The following PC variants were observed in gnomAD, a reference collection of about 807,000 sequenced individuals.
The protein encoded by PC is pyruvate carboxylase.
In PC, 46 loss-of-function variants were observed where a neutral mutation model predicts 107.8. That is an observed-to-expected ratio of 0.43 (90% CI 0.34 to 0.55). The LOEUF (loss-of-function observed/expected upper bound fraction) is 0.55. PC is among the 20% of genes least tolerant of loss of function. The probability of loss-of-function intolerance (pLI) is 0.04; values close to 1 mark genes in which losing one functional copy is unlikely to be tolerated. For missense variants in PC, 1,241 were observed against 1,643.1 expected, an observed-to-expected ratio of 0.76 and a Z score of 4.23; for synonymous variants, 662 against 684.7, an observed-to-expected ratio of 0.97 and a Z score of 0.52.
intron 3 of PC, among the ~76,000 whole-genome samples, chr11:66,897,248 T>C (rs1193897605): frequency 2.0e-5 from 3 of 152,132 alleles, no homozygotes; most frequent in Admixed American, 6.5e-5. Flanking sequence ...CCCTTTTGAA[T>C]TGGCACCATG....
intron 1 of PC, among the ~76,000 whole-genome samples, chr11:66,957,106 A>G (rs1197352225): frequency 6.6e-6 from 1 of 152,254 alleles, no homozygotes; most frequent in Non-Finnish European, 1.5e-5. Context: ...CACCCCCAGC[A>G]CAAGTGTTTG....
chr11:66,955,283 A>G (rs1949532940), intron 1 of PC, among the ~76,000 whole-genome samples: 1 of 152,192 alleles, frequency 6.6e-6, no homozygotes, highest in African/African-American at 2.4e-5. Context: ...CTGCCCTGCC[A>G]CTGGTCCCAG....
chr11:66,863,788 C>A lies in PC; in HGVS notation c.1354G>T (p.Val452Phe). 1.9e-6 allele frequency: 3 copies of A among 1,611,272 alleles called. No homozygotes were observed. Among genetic ancestry groups the A allele is most frequent in the African/African-American group, 1.3e-5 (1 of 74,918 alleles). ...KMSRALAEFR[V>F]RGVKTNIAFL... ...CAGCCTCTCACCTTCACACCTCGGA[C>A]GCGGAACTCCGCAAGGGCCCTGCTC... The change falls in exon 12 of 23, where the codon GTC becomes TTC. Residue 452 changes from valine to phenylalanine, a missense_variant. By Grantham distance (50) the Val-to-Phe change is conservative. This residue lies in a region of PC where 1,143 missense variants were observed against 1,551.9 expected (regional missense o/e 0.74). Transcript: ENST00000393960.
At position 66,863,967 on chromosome 11, in the gene PC, G is replaced by A; in HGVS notation, c.1186-11C>T. Reference sequence around the variant, plus strand: ...TCCGCTCCGGAACACCTGTGGGAAGGGTGAGGCGTGAGGACCTGCGCCAGA... The same window carrying A: ...TCCGCTCCGGAACACCTGTGGGAAGAGTGAGGCGTGAGGACCTGCGCCAGA... On this transcript the variant is annotated splice_polypyrimidine_tract_variant and intron_variant, in intron 11 of 22. Transcript: ENST00000393960. 2 of 1,613,562 alleles carry A rather than the reference G, an allele frequency of 1.2e-6. No homozygotes were observed. Among genetic ancestry groups the A allele is most frequent in the Non-Finnish European group, 1.7e-6 (2 of 1,179,982 alleles).
chr11:66,922,476 A>C (rs754712355), intron 3 of PC, among the ~76,000 whole-genome samples: 4 of 151,122 alleles, frequency 2.6e-5, no homozygotes, highest in Non-Finnish European at 4.4e-5. Flanking sequence ...TGGAAGGCTG[A>C]AGCAGGAGAA....
chr11:66,865,517 C>T (rs1946455051), intron 11 of PC, among the ~76,000 whole-genome samples: 5 of 152,176 alleles, frequency 3.3e-5, no homozygotes, highest in Admixed American at 1.3e-4. Context: ...GTTTCGGAGG[C>T]CAATGACTGG....
intron 3 of PC, among the ~76,000 whole-genome samples, chr11:66,926,233 T>C (rs753996378): frequency 6.6e-6 from 1 of 152,226 alleles, no homozygotes; most frequent in East Asian, 1.9e-4. Flanking sequence ...AAATATAAAA[T>C]GTACAGCTCT....
At chr11:66,887,707 CG>C (rs1389182003) in intron 3 of PC, among the ~76,000 whole-genome samples, 1 of 152,164 alleles carries the variant, frequency 6.6e-6, no homozygotes, top group Non-Finnish European at 1.5e-5. Flanking sequence ...GAAAGTCTCC[CG>C]GGACTGAAGG....
At chr11:66,850,548 C>A in intron 18 of PC, 84 bp from the exon 19 acceptor site, 1 of 1,608,122 alleles carries the variant, frequency 6.2e-7, no homozygotes. Flanking sequence ...CCATGTCTGA[C>A]TCAGGTGACA....
chr11:66,928,518 AATT>A (rs200179069), intron 3 of PC, among the ~76,000 whole-genome samples: 394 of 151,316 alleles, frequency 2.6e-3, no homozygotes, highest in Middle Eastern at 0.014. Context: ...TGTGAGCATT[AATT>A]ATTATTATTA....
In PC at chr11:66,870,354, T is replaced by A; in HGVS notation, c.851A>T (p.Asp284Val). ...VVEIAPAAHL[D>V]PQLRTRLTSD... Reference sequence around the variant, plus strand: ...GGTGAGCCGAGTCCGAAGCTGCGGGTCCAGGTGGGCGGCGGGGGCAATCTC... The same window carrying A: ...GGTGAGCCGAGTCCGAAGCTGCGGGACCAGGTGGGCGGCGGGGGCAATCTC... The change falls in exon 9 of 23, where the codon GAC (aspartate) becomes GTC (valine). Residue 284 changes from aspartate to valine, a missense_variant. Physicochemically the swap from Asp to Val is radical, Grantham distance 152. Coordinates refer to ENST00000393960, the MANE Select transcript of PC (RefSeq NM_001040716.2). This position sits in a 1 kb window ranked among gnomAD's most constrained non-coding sequence, Gnocchi z 6.1. 1 of 1,613,516 alleles carries A rather than the reference T, an allele frequency of 6.2e-7. No homozygotes were observed. The highest frequency in any genetic ancestry group is 8.5e-7 in the Non-Finnish European group (1 of 1,179,982).
intron 3 of PC, among the ~76,000 whole-genome samples, chr11:66,880,848 CAAG>C (rs1398268326): frequency 1.3e-5 from 2 of 152,232 alleles, no homozygotes; most frequent in African/African-American, 4.8e-5. Context: ...GGATGGCAAT[CAAG>C]AAGTTCTCAA....
At chr11:66,923,079 G>A (rs1419333613) in intron 3 of PC, among the ~76,000 whole-genome samples, 2 of 152,110 alleles carry the variant, frequency 1.3e-5, no homozygotes, top group Non-Finnish European at 2.9e-5. Flanking sequence ...AAGAAGTCGG[G>A]CTAGGCACCG....
chr11:66,849,368 C>A lies in PC; in HGVS notation c.3150G>T (p.Val1050=). The change falls in exon 22 of 23, where the codon GTG becomes GTT. Residue 1050 remains valine (V), a splice_region_variant and synonymous_variant. Coordinates refer to ENST00000393960, the MANE Select transcript of PC (RefSeq NM_001040716.2). The part of the protein sequence containing the change: ...QGPKIAEEFE[V]ELERGKTLHI... ...GCAGCGTCTTGCCCCGCTCCAGCTC[C>A]ACCTGCAGGGAGGGTGTGCAGACTC... 6.2e-7 allele frequency: 1 copy of A among 1,612,702 alleles called. No individual in the cohort carries two copies.
chr11:66,875,154 G>A (rs930448684), intron 3 of PC, among the ~76,000 whole-genome samples: 1 of 151,628 alleles, frequency 6.6e-6, no homozygotes, highest in African/African-American at 2.4e-5. Context: ...CTGGACTGGC[G>A]AGCAGCAGGG....
intron 3 of PC, among the ~76,000 whole-genome samples, chr11:66,901,003 T>G (rs968379101): frequency 2.6e-5 from 4 of 152,198 alleles, no homozygotes; most frequent in Non-Finnish European, 5.9e-5. Context: ...CCCTTTATGA[T>G]CAAATTTTGA....
intron 3 of PC, among the ~76,000 whole-genome samples, chr11:66,885,764 G>T (rs926805589): frequency 6.6e-6 from 1 of 152,176 alleles, no homozygotes; most frequent in Non-Finnish European, 1.5e-5. Flanking sequence ...ATCCGAGAGA[G>T]CACGGCCCTG....
chr11:66,879,192 C>T (rs1947094884), intron 3 of PC, among the ~76,000 whole-genome samples: 1 of 152,192 alleles, frequency 6.6e-6, no homozygotes, highest in Admixed American at 6.5e-5. Context: ...GACCTCCCCA[C>T]AGGCCAGGCC....
chr11:66,917,382 GA>G (rs1227295207), intron 3 of PC, among the ~76,000 whole-genome samples: 1 of 152,096 alleles, frequency 6.6e-6, no homozygotes, highest in Non-Finnish European at 1.5e-5. Flanking sequence ...TCCCCACTTA[GA>G]AATGTATATT....
Sources: gnomAD v4.1 joint callset for allele counts (sites outside exome capture counted in the v4.1 genomes callset) on GRCh38, gnomAD v4.1.1 for gene constraint, gnomAD v4.1.1 regional missense constraint, Gnocchi (gnomAD v3.1) non-coding constraint, MANE v1.5 for transcripts, NCBI Gene and HGNC (gene_info 2026-07-23, HGNC 2026-07-21) for gene names.